CUX2: variants seen among roughly 807,000 people sequenced by gnomAD.
The protein encoded by CUX2 is cut like homeobox 2, also known as homeobox protein cut-like 2.
Under a neutral mutation model 144.8 loss-of-function variants are expected in CUX2, and 40 were observed. The observed-to-expected ratio is 0.28, with a 90% CI of 0.21 to 0.36. The LOEUF is 0.36. CUX2 is among the 10% of genes least tolerant of loss of function. The pLI, the probability that CUX2 is intolerant of heterozygous loss-of-function variation, is 1.00. For synonymous variants in CUX2, 827 were observed against 875.6 expected (o/e 0.94, Z 0.98); for missense variants, 1,615 against 1,994.0 (o/e 0.81, Z 3.62).
At chr12:111,191,700 G>A (rs1169941006) in intron 1 of CUX2, among the ~76,000 whole-genome samples, 4 of 152,152 alleles carry the variant, frequency 2.6e-5, no homozygotes, top group African/African-American at 9.7e-5. Context: ...TCTCATACCT[G>A]CTGATATCCA....
chr12:111,221,992 T>C (rs1314619533), intron 3 of CUX2, among the ~76,000 whole-genome samples: 1 of 152,212 alleles, frequency 6.6e-6, no homozygotes, highest in Non-Finnish European at 1.5e-5. Context: ...TTGAATATCC[T>C]TGCGTACAGA....
chr12:111,168,087 G>A (rs1878270598), intron 1 of CUX2, among the ~76,000 whole-genome samples: 2 of 152,166 alleles, frequency 1.3e-5, no homozygotes, highest in Non-Finnish European at 2.9e-5. Context: ...ACTCAAGCCA[G>A]TCCGGAGCCA....
intron 9 of CUX2, among the ~76,000 whole-genome samples, chr12:111,301,354 C>T (rs1012366086): frequency 6.6e-6 from 1 of 152,012 alleles, no homozygotes; most frequent in African/African-American, 2.4e-5. Context: ...AGGCGAGGAC[C>T]GCCCCAATTC....
At chr12:111,243,038 C>G (rs1427336152) in intron 3 of CUX2, among the ~76,000 whole-genome samples, 1 of 152,140 alleles carries the variant, frequency 6.6e-6, no homozygotes, top group Non-Finnish European at 1.5e-5. Context: ...TGAACTCATC[C>G]TTTTTTATGG....
intron 1 of CUX2, among the ~76,000 whole-genome samples, chr12:111,043,104 A>G (rs1869828333): frequency 1.3e-5 from 2 of 152,248 alleles, no homozygotes; most frequent in Non-Finnish European, 2.9e-5. Flanking sequence ...AACAAATACA[A>G]TAACTAATAA....
intron 21 of CUX2, among the ~76,000 whole-genome samples, chr12:111,343,425 C>G (rs1888661776): frequency 6.6e-6 from 1 of 152,150 alleles, no homozygotes; most frequent in African/African-American, 2.4e-5. Context: ...CATCCCCCAC[C>G]ACACCCCTGC....
chr12:111,267,032 C>CA (rs1163907213), intron 4 of CUX2, among the ~76,000 whole-genome samples: 8 of 151,448 alleles, frequency 5.3e-5, no homozygotes, highest in African/African-American at 9.7e-5. Context: ...CCTGTCTCTA[C>CA]AAAAAAAATA....
intron 1 of CUX2, among the ~76,000 whole-genome samples, chr12:111,129,493 G>A (rs771038135): frequency 1.4e-4 from 22 of 152,218 alleles, no homozygotes; most frequent in Non-Finnish European, 2.8e-4. Context: ...GGAGATTCAG[G>A]CAATGAAACC....
intron 1 of CUX2, among the ~76,000 whole-genome samples, chr12:111,150,948 A>C (rs558869026): frequency 5.3e-5 from 8 of 152,302 alleles, no homozygotes; most frequent in Non-Finnish European, 1.2e-4. Context: ...AAGGTCTTTG[A>C]GTTTGTACAG....
At chr12:111,162,965 G>C (rs1358578905) in intron 1 of CUX2, among the ~76,000 whole-genome samples, 1 of 151,218 alleles carries the variant, frequency 6.6e-6, no homozygotes, top group Non-Finnish European at 1.5e-5. Context: ...AGAATCGCTT[G>C]AACCTGGGAG....
At chr12:111,173,051 T>A (rs932777221) in intron 1 of CUX2, among the ~76,000 whole-genome samples, 1 of 152,226 alleles carries the variant, frequency 6.6e-6, no homozygotes, top group Non-Finnish European at 1.5e-5. Context: ...GGCAGACTTC[T>A]TGCCTGCAAA....
chr12:111,175,631 C>T (rs1036527097), intron 1 of CUX2, among the ~76,000 whole-genome samples: 5 of 152,086 alleles, frequency 3.3e-5, no homozygotes, highest in African/African-American at 1.2e-4. Flanking sequence ...TGTCTACACT[C>T]ATAACATTTG....
chr12:111,171,278 A>G lies in CUX2; in HGVS notation c.64-42922A>G, dbSNP rs1378500924. 6.6e-6 allele frequency among the ~76,000 whole-genome samples: 1 copy of G among 152,172 alleles called. No homozygotes were observed. Among genetic ancestry groups the G allele is most frequent in the Non-Finnish European group, 1.5e-5 (1 of 68,032 alleles). On this transcript the variant is annotated intron_variant, in intron 1 of 21. Coordinates refer to ENST00000261726, the MANE Select transcript of CUX2 (RefSeq NM_015267.4). This position sits in a 1 kb window ranked among gnomAD's most constrained non-coding sequence, Gnocchi z 5.0. ...GACCTTGTTGGCAAGCCCGATCTGC[A>G]GGTCATCAGTTTGCAGTGATTTTGC...
chr12:111,318,788 A>G (rs1242519127), intron 16 of CUX2, among the ~76,000 whole-genome samples: 1 of 151,424 alleles, frequency 6.6e-6, no homozygotes, highest in Admixed American at 6.6e-5. Context: ...AATGCTCCCA[A>G]CTCAGACCCT....
Position 111,295,256 on chromosome 12 carries a change from A to C in CUX2, c.561-77A>C. 7.3e-7 allele frequency: 1 copy of C among 1,365,000 alleles called. No homozygotes were observed. The highest frequency in any genetic ancestry group is 1.0e-6 in the Non-Finnish European group (1 of 980,546). The allele number at this position is 1,365,000 out of a possible 1,614,324, so 84.6% of individuals were successfully genotyped here. On this transcript the variant is annotated intron_variant, in intron 6 of 21. Coordinates refer to ENST00000261726, the MANE Select transcript of CUX2 (RefSeq NM_015267.4). The surrounding 1 kb of genome is among the most constrained non-coding windows in gnomAD (Gnocchi z 5.0). ...AGGGAGTGGGCAAGGGGTAGGAAGC[A>C]AGATGGGGCTCGACTCGGGGGCCCC...
Position 111,312,089 on chromosome 12 carries a change from T to C in CUX2, c.1901-11T>C. 3 of 1,604,176 alleles carry C rather than the reference T, an allele frequency of 1.9e-6. No homozygotes were observed. Among genetic ancestry groups the C allele is most frequent in the Non-Finnish European group, 2.6e-6 (3 of 1,172,748 alleles). ...GCAGATCCTGCCACAGATGCCTTCT[T>C]GCCTCCCCAGGCAGCATCACCCCGA... On this transcript the variant is annotated splice_polypyrimidine_tract_variant and intron_variant, in intron 15 of 21. Coordinates refer to ENST00000261726, the MANE Select transcript of CUX2 (RefSeq NM_015267.4). The surrounding 1 kb of genome is among the most constrained non-coding windows in gnomAD (Gnocchi z 4.3).
At chr12:111,234,934 G>T (rs1349932460) in intron 3 of CUX2, among the ~76,000 whole-genome samples, 1 of 152,062 alleles carries the variant, frequency 6.6e-6, no homozygotes, top group African/African-American at 2.4e-5. Flanking sequence ...GGCCAGGCTG[G>T]TCTGGAACTC....
At chr12:111,231,828 C>T (rs1882476473) in intron 3 of CUX2, among the ~76,000 whole-genome samples, 1 of 152,012 alleles carries the variant, frequency 6.6e-6, no homozygotes, top group Non-Finnish European at 1.5e-5. Flanking sequence ...ACAGGAGGGG[C>T]CAGGTGCAGT....
intron 1 of CUX2, among the ~76,000 whole-genome samples, chr12:111,147,292 T>C (rs924753300): frequency 6.6e-6 from 1 of 152,226 alleles, no homozygotes; most frequent in African/African-American, 2.4e-5. Flanking sequence ...TTCTTAGTCC[T>C]AGCAGTGTTT....
Sources: gnomAD v4.1 joint callset for allele counts (sites outside exome capture counted in the v4.1 genomes callset) on GRCh38, gnomAD v4.1.1 for gene constraint, Gnocchi (gnomAD v3.1) non-coding constraint, MANE v1.5 for transcripts, NCBI Gene and HGNC (gene_info 2026-07-23, HGNC 2026-07-21) for gene names.